Variants in MYOM1 observed in about 807,000 individuals in gnomAD.
MYOM1 encodes the protein myomesin-1.
MYOM1 carries 164 observed loss-of-function variants against 205.3 expected under a neutral mutation model. That is an observed-to-expected ratio of 0.80 (90% confidence interval 0.70 to 0.91). The LOEUF (loss-of-function observed/expected upper bound fraction) is 0.91. Ranked by LOEUF, MYOM1 falls within the 40% of genes least tolerant of loss-of-function variation. The pLI is 0.00. For missense variants in MYOM1, 2,011 were observed against 2,127.3 expected, an observed-to-expected ratio of 0.95 and a Z score of 1.08; for synonymous variants, 772 against 789.4, an observed-to-expected ratio of 0.98 and a Z score of 0.37.
chr18:3,138,971 T>C (rs2080010519), intron 14 of MYOM1, among the ~76,000 whole-genome samples: 2 of 152,100 alleles, frequency 1.3e-5, no homozygotes, highest in South Asian at 4.1e-4. Flanking sequence ...ATGCCTCAGT[T>C]TCCTCATCTA....
At chr18:3,078,593 C>T (rs1442073000) in intron 34 of MYOM1, among the ~76,000 whole-genome samples, 1 of 151,976 alleles carries the variant, frequency 6.6e-6, no homozygotes, top group Non-Finnish European at 1.5e-5. Flanking sequence ...CCACACTTGG[C>T]TAATTTCTTA....
chr18:3,170,337 AT>A (rs2080538856), intron 8 of MYOM1, among the ~76,000 whole-genome samples: 1 of 152,232 alleles, frequency 6.6e-6, no homozygotes, highest in South Asian at 2.1e-4. Context: ...AATTACCCTG[AT>A]TTGATCATTA....
intron 5 of MYOM1, among the ~76,000 whole-genome samples, chr18:3,180,972 G>A (rs572162448): frequency 1.7e-3 from 258 of 151,258 alleles, no homozygotes; most frequent in Non-Finnish European, 1.2e-3. Context: ...TGTCACCCAG[G>A]CTGAAGAGCA....
intron 5 of MYOM1, among the ~76,000 whole-genome samples, chr18:3,182,495 C>A (rs1193648999): frequency 6.6e-6 from 1 of 152,174 alleles, no homozygotes; most frequent in Non-Finnish European, 1.5e-5. Flanking sequence ...CTTTTTCCTT[C>A]TCCACTATTT....
At chr18:3,072,474 C>T (rs891191513) in intron 36 of MYOM1, among the ~76,000 whole-genome samples, 11 of 150,428 alleles carry the variant, frequency 7.3e-5, no homozygotes, top group African/African-American at 2.5e-4. Flanking sequence ...CTGCCTCAGC[C>T]TCCTGAGTAT....
chr18:3,164,137 G>GT lies in MYOM1; in HGVS notation c.1501+140dup, dbSNP rs1201009819. On this transcript the variant is annotated intron_variant, in intron 10 of 37. Coordinates refer to ENST00000356443, the MANE Select transcript of MYOM1 (RefSeq NM_003803.4). ...CTCCCAAAGTGCTGGGATTACAGGC[G>GT]TGAGACATTGCACCCTGCCAGAATT... The GT allele has an allele frequency of 3.4e-6, 3 of 878,272 alleles. No homozygotes were observed. In the East Asian group the frequency reaches 8.3e-5, roughly 24 times the overall value. The allele number at this position is 878,272 out of a possible 1,614,324, so 54.4% of individuals were successfully genotyped here.
In MYOM1 at chr18:3,151,868, A is replaced by ACCTGTGC; in HGVS notation, c.1668_1669insGCACAGG (p.Ser557AlafsTer7). 1 of 1,613,032 alleles carries ACCTGTGC rather than the reference A, an allele frequency of 6.2e-7. No homozygotes were observed. The highest frequency in any genetic ancestry group is 2.2e-5 in the East Asian group (1 of 44,850). The stretch of plus-strand genomic sequence containing the variant: ...TTCACAGGTGTGTCATTGCACTGCG[A>ACCTGTGC]CCAGCTATCTGTGCCCACCTCACAC... On this transcript the variant is annotated frameshift_variant, in exon 12 of 38. Transcript: ENST00000356443. LOFTEE classifies it high-confidence loss of function.
intron 3 of MYOM1, 108 bp downstream of exon 3, chr18:3,193,710 G>T: frequency 8.6e-7 from 1 of 1,167,176 alleles, no homozygotes. Flanking sequence ...AATGTTAGCT[G>T]CTATTTCTAT....
At chr18:3,235,454 T>C in the MYOM1 span, among the ~76,000 whole-genome samples, 2 of 152,228 alleles carry the variant, frequency 1.3e-5, no homozygotes, top group African/African-American at 2.4e-5. Flanking sequence ...ATACTTAAAA[T>C]GTATGCATGG....
chr18:3,197,698 C>A (rs1251571410), intron 2 of MYOM1, among the ~76,000 whole-genome samples: 1 of 151,652 alleles, frequency 6.6e-6, no homozygotes, highest in Non-Finnish European at 1.5e-5. Flanking sequence ...ATGGTGAAAC[C>A]CCGTCTTTAC....
chr18:3,227,422 T>C, the MYOM1 span, among the ~76,000 whole-genome samples: 1 of 152,022 alleles, frequency 6.6e-6, no homozygotes, highest in Non-Finnish European at 1.5e-5. Flanking sequence ...GTAGTCGAGT[T>C]TATAGAGAAA....
At chr18:3,137,696 T>C (rs1567927861) in intron 14 of MYOM1, among the ~76,000 whole-genome samples, 1 of 152,112 alleles carries the variant, frequency 6.6e-6, no homozygotes, top group Non-Finnish European at 1.5e-5. Flanking sequence ...AGAGGTTTGT[T>C]AGTGGGCACA....
chr18:3,243,464 A>C, the MYOM1 span, among the ~76,000 whole-genome samples: 2 of 152,200 alleles, frequency 1.3e-5, no homozygotes, highest in Non-Finnish European at 2.9e-5. Flanking sequence ...TGGGTAACGA[A>C]ATTTTCCTAC....
intron 22 of MYOM1, among the ~76,000 whole-genome samples, chr18:3,109,745 G>C (rs1159105947): frequency 6.6e-6 from 1 of 152,108 alleles, no homozygotes; most frequent in Non-Finnish European, 1.5e-5. Flanking sequence ...AGAGATAACT[G>C]ATTTTAACAG....
chr18:3,154,201 T>C (rs767617745), intron 11 of MYOM1, among the ~76,000 whole-genome samples: 38 of 152,212 alleles, frequency 2.5e-4, no homozygotes, highest in Admixed American at 5.9e-4. Flanking sequence ...GTGGCCTCTA[T>C]GAGGTCTACA....
chr18:3,136,041 C>T (rs1392055510), intron 14 of MYOM1, among the ~76,000 whole-genome samples: 1 of 152,118 alleles, frequency 6.6e-6, no homozygotes, highest in Non-Finnish European at 1.5e-5. Flanking sequence ...CGGTTTCCCC[C>T]ATACTGTTCT....
chr18:3,193,731 C>T, intron 3 of MYOM1, 87 bp downstream of exon 3: 1 of 1,364,932 alleles, frequency 7.3e-7, no homozygotes, highest in Non-Finnish European at 9.9e-7. Flanking sequence ...AATCTGTCCA[C>T]AACAATTATG....
intron 26 of MYOM1, 76 bp from the exon 27 acceptor site, chr18:3,090,878 AAT>A (rs1273140050): frequency 6.4e-7 from 1 of 1,569,496 alleles, no homozygotes; most frequent in African/African-American, 1.4e-5. Flanking sequence ...AGCTTGATGA[AAT>A]AAAAATAAAC....
chr18:3,209,008 A>G lies in MYOM1; in HGVS notation c.290+5926T>C, dbSNP rs1034491297. ...TATTTTTTATTATTCAGATTCAGTC[A>G]CTTCAGTCTCCAGATGGATTTGAGT... On this transcript the variant is annotated intron_variant, in intron 2 of 37. Transcript: ENST00000356443. The surrounding 1 kb of genome is among the most constrained non-coding windows in gnomAD (Gnocchi z 4.0). Among the ~76,000 whole-genome samples, 3 of 152,226 alleles carry G rather than the reference A, an allele frequency of 2.0e-5. No homozygotes were observed. The highest frequency in any genetic ancestry group is 7.2e-5 in the African/African-American group (3 of 41,450).
Sources: allele counts gnomAD v4.1 joint callset (sites outside exome capture counted in the v4.1 genomes callset), GRCh38; gene constraint gnomAD v4.1.1; non-coding constraint Gnocchi (gnomAD v3.1); transcripts MANE v1.5; gene names NCBI Gene and HGNC (gene_info 2026-07-23, HGNC 2026-07-21).